SMYD3: variants seen among roughly 807,000 people sequenced by gnomAD.
The protein encoded by SMYD3 is histone-lysine N-methyltransferase SMYD3.
In SMYD3, 36 loss-of-function variants were observed where a neutral mutation model predicts 57.7. That is an observed-to-expected ratio of 0.62 (90% CI 0.48 to 0.82). The LOEUF (loss-of-function observed/expected upper bound fraction) is 0.82. Among genes scored for constraint, SMYD3 ranks in the 40% least tolerant of loss-of-function variants. The pLI is 0.00. For synonymous variants in SMYD3, 211 were observed against 195.0 expected (o/e 1.08, Z -0.68); for missense variants, 515 against 538.8 (o/e 0.96, Z 0.44).
At chr1:246,381,256 C>T (rs2066381775) in intron 1 of SMYD3, among the ~76,000 whole-genome samples, 1 of 152,138 alleles carries the variant, frequency 6.6e-6, no homozygotes, top group Non-Finnish European at 1.5e-5. Flanking sequence ...TTACTGCCAC[C>T]TCGAATAAAA....
Position 246,293,003 on chromosome 1 carries a change from A to G in SMYD3, c.531+34198T>C, listed in dbSNP as rs140441523. 6.5e-3 allele frequency among the ~76,000 whole-genome samples: 984 copies of G among 152,256 alleles called. 9 individuals are homozygous for G. Among genetic ancestry groups the G allele is most frequent in the African/African-American group, 0.021 (892 of 41,550 alleles). On this transcript the variant is annotated intron_variant, in intron 5 of 11. Transcript: ENST00000490107. ...TCACAAAGAATCATTCCAAACCACC[A>G]TATTTGGTGGGTAAATGTATCTGTA...
In SMYD3 at chr1:245,764,025, A is replaced by C. The variant is rs1298792330; in HGVS notation, c.1185+16T>G. 1 of 1,588,494 alleles carries C rather than the reference A, an allele frequency of 6.3e-7. No homozygotes were observed. Among genetic ancestry groups the C allele is most frequent in the East Asian group, 2.2e-5 (1 of 44,744 alleles). ...AGGATGCCAGGCAGAACTATGTGAG[A>C]TCTTGGCACACTCACCAGTCTCAGA... On this transcript the variant is annotated intron_variant, in intron 11 of 11. Coordinates refer to ENST00000490107, the MANE Select transcript of SMYD3 (RefSeq NM_001167740.2).
intron 5 of SMYD3, among the ~76,000 whole-genome samples, chr1:245,948,317 A>G (rs1220308983): frequency 6.6e-6 from 1 of 152,182 alleles, no homozygotes; most frequent in African/African-American, 2.4e-5. Context: ...TTCAACATGG[A>G]AGTGACAGGA....
rs1192971688 is a variant in SMYD3, at chr1:246,277,611, T to A, written c.531+49590A>T. ...CAGCAGCTTTATTCACAATACCTAA[T>A]CAGGGGAGACAACACAGATGTTCAT... On this transcript the variant is annotated intron_variant, in intron 5 of 11. Coordinates refer to ENST00000490107, the MANE Select transcript of SMYD3 (RefSeq NM_001167740.2). 2.0e-5 allele frequency among the ~76,000 whole-genome samples: 3 copies of A among 152,132 alleles called. No individual in the cohort carries two copies. In the East Asian group the frequency reaches 5.8e-4, roughly 29 times the overall value.
intron 5 of SMYD3, among the ~76,000 whole-genome samples, chr1:246,280,610 TAA>T (rs2064422417): frequency 6.6e-6 from 1 of 152,172 alleles, no homozygotes; most frequent in Non-Finnish European, 1.5e-5. Flanking sequence ...AAAAGAATGT[TAA>T]AGACATCTAC....
At chr1:245,904,944 C>A (rs1419279321) in intron 8 of SMYD3, among the ~76,000 whole-genome samples, 1 of 151,764 alleles carries the variant, frequency 6.6e-6, no homozygotes, top group Non-Finnish European at 1.5e-5. Flanking sequence ...TCGTGAGGCC[C>A]CCATTCCAGA....
intron 5 of SMYD3, among the ~76,000 whole-genome samples, chr1:246,050,934 T>A (rs562197798): frequency 2.0e-5 from 3 of 152,178 alleles, no homozygotes; most frequent in African/African-American, 7.2e-5. Flanking sequence ...GAAAAAATTA[T>A]CCAAATGGGG....
chr1:245,785,990 C>T (rs539072911), intron 10 of SMYD3, among the ~76,000 whole-genome samples: 2 of 151,732 alleles, frequency 1.3e-5, no homozygotes, highest in African/African-American at 4.8e-5. Context: ...CAGGTGTGAG[C>T]CATGGTGCCC....
intron 5 of SMYD3, among the ~76,000 whole-genome samples, chr1:245,938,734 T>G (rs1273899230): frequency 6.6e-6 from 1 of 152,164 alleles, no homozygotes; most frequent in African/African-American, 2.4e-5. Flanking sequence ...TGTCTTCTCT[T>G]CTGGTACCAT....
intron 10 of SMYD3, among the ~76,000 whole-genome samples, chr1:245,814,826 G>A (rs985579459): frequency 6.7e-5 from 10 of 149,618 alleles, no homozygotes; most frequent in South Asian, 4.3e-4. Context: ...ACACACGCAC[G>A]CACACACGCA....
At chr1:245,966,098 T>A (rs2058139554) in intron 5 of SMYD3, among the ~76,000 whole-genome samples, 1 of 152,214 alleles carries the variant, frequency 6.6e-6, no homozygotes, top group African/African-American at 2.4e-5. Flanking sequence ...TAAGCCTTGA[T>A]AAACATTTAC....
rs147510287 is a variant in SMYD3 at position 246,454,022 on chromosome 1, A to G, written c.164+53032T>C. ...AGTTAATGCCCAGTCAAATCAGATTAGGTAATACGTGAAGAAATTGTTCAC... is the reference window on the plus strand; with the variant it reads ...AGTTAATGCCCAGTCAAATCAGATTGGGTAATACGTGAAGAAATTGTTCAC... On this transcript the variant is annotated intron_variant, in intron 1 of 11. Coordinates refer to ENST00000490107, the MANE Select transcript of SMYD3 (RefSeq NM_001167740.2). Among the ~76,000 whole-genome samples the G allele has an allele frequency of 7.9e-5, 12 of 152,336 alleles. No homozygotes were observed. In the East Asian group the frequency reaches 2.3e-3, roughly 29 times the overall value.
intron 8 of SMYD3, among the ~76,000 whole-genome samples, chr1:245,902,584 A>G (rs1009333892): frequency 6.6e-6 from 1 of 152,176 alleles, no homozygotes; most frequent in Non-Finnish European, 1.5e-5. Flanking sequence ...CCTAAGGACC[A>G]GAATGCCTGG....
intron 5 of SMYD3, among the ~76,000 whole-genome samples, chr1:246,160,713 A>G (rs1288773193): frequency 6.6e-6 from 1 of 152,124 alleles, no homozygotes; most frequent in East Asian, 1.9e-4. Flanking sequence ...TACCAGCAAC[A>G]CTGTTCCCAA....
At chr1:245,876,454 C>T (rs1251430108) in intron 8 of SMYD3, among the ~76,000 whole-genome samples, 3 of 152,186 alleles carry the variant, frequency 2.0e-5, no homozygotes, top group Non-Finnish European at 4.4e-5. Context: ...GCCATTGCTC[C>T]GAATCTCTGC....
intron 11 of SMYD3, among the ~76,000 whole-genome samples, chr1:245,755,714 CTTTT>C (rs1386855946): frequency 1.3e-5 from 2 of 152,010 alleles, no homozygotes; most frequent in Non-Finnish European, 2.9e-5. Flanking sequence ...CTCCAGCTTT[CTTTT>C]GATTGTGTTT....
Position 245,823,012 on chromosome 1 carries a change from G to T in SMYD3, c.1076+35484C>A, listed in dbSNP as rs372639693. 3.3e-5 allele frequency among the ~76,000 whole-genome samples: 5 copies of T among 152,114 alleles called. No homozygotes were observed. The East Asian group carries it at 7.7e-4, about 23-fold the overall frequency. On this transcript the variant is annotated intron_variant, in intron 10 of 11. Coordinates refer to ENST00000490107, the MANE Select transcript of SMYD3 (RefSeq NM_001167740.2). ...GTGCTCAGACACTGTGCTAGCAAAG[G>T]GATTTTCAGTCTCTGCCTCCCTAAT... is the stretch of plus-strand genomic sequence containing the variant.
intron 5 of SMYD3, among the ~76,000 whole-genome samples, chr1:246,077,312 T>C (rs574248012): frequency 5.3e-5 from 8 of 152,266 alleles, no homozygotes; most frequent in Middle Eastern, 3.4e-3. Flanking sequence ...GCCAAAAACA[T>C]GCAAACAAGT....
rs1558357492 is a variant in SMYD3 at position 246,260,447 on chromosome 1, T to TTG, written c.531+66753_531+66754insCA. Among the ~76,000 whole-genome samples, 1,059 of 151,912 alleles carry TTG rather than the reference T, an allele frequency of 7.0e-3. 15 individuals carry two copies. The highest frequency in any genetic ancestry group is 0.023 in the African/African-American group (971 of 41,350). On this transcript the variant is annotated intron_variant, in intron 5 of 11. Coordinates refer to ENST00000490107, the MANE Select transcript of SMYD3 (RefSeq NM_001167740.2). ...TTTTGTTGTTGTTGTTGTTGTTGTTTTTTGTTTGTTTGTTTCTTTTTTGAG... is the reference window on the plus strand; with the variant it reads ...TTTTGTTGTTGTTGTTGTTGTTGTTTTGTTTGTTTGTTTGTTTCTTTTTTGAG...
Sources: gnomAD v4.1 joint callset for allele counts (sites outside exome capture counted in the v4.1 genomes callset) on GRCh38, gnomAD v4.1.1 for gene constraint, MANE v1.5 for transcripts, NCBI Gene and HGNC (gene_info 2026-07-23, HGNC 2026-07-21) for gene names.